Variants in FMN1 observed in about 807,000 individuals in gnomAD.
FMN1 encodes formin 1.
A neutral mutation model predicts 132.4 loss-of-function variants in FMN1; 110 were observed. The ratio of observed to expected loss-of-function variants is 0.83; its 90% CI spans 0.71 to 0.97. FMN1 has a LOEUF of 0.97. Ranked by LOEUF, FMN1 falls within the 50% of genes least tolerant of loss-of-function variation. FMN1 has a pLI of 0.00. For synonymous variants in FMN1, 722 were observed against 651.7 expected (o/e 1.11, Z -1.64); for missense variants, 1,792 against 1,705.3 (o/e 1.05, Z -0.90).
intron 7 of FMN1, among the ~76,000 whole-genome samples, chr15:32,984,565 G>GC (rs1555373364): frequency 3.9e-5 from 6 of 152,096 alleles, no homozygotes; most frequent in African/African-American, 1.2e-4. Flanking sequence ...AACACTCTGA[G>GC]TAACAATGAA....
intron 16 of FMN1, among the ~76,000 whole-genome samples, chr15:32,883,231 G>A (rs2059812491): frequency 6.6e-6 from 1 of 152,140 alleles, no homozygotes. Context: ...CAGGTCCAGT[G>A]GTGGCTCATG....
intron 9 of FMN1, among the ~76,000 whole-genome samples, chr15:32,938,090 G>A (rs962512802): frequency 6.6e-6 from 1 of 151,916 alleles, no homozygotes; most frequent in African/African-American, 2.4e-5. Context: ...TATACATTTT[G>A]TTGCACTTTT....
intron 4 of FMN1, among the ~76,000 whole-genome samples, chr15:33,133,767 A>C: frequency 6.6e-6 from 1 of 152,308 alleles, no homozygotes; most frequent in Non-Finnish European, 1.5e-5. Context: ...AATATATCAA[A>C]CTATTTGCTC....
At chr15:32,838,402 C>G (rs750517292) in intron 17 of FMN1, among the ~76,000 whole-genome samples, 1 of 152,154 alleles carries the variant, frequency 6.6e-6, no homozygotes, top group Non-Finnish European at 1.5e-5. Context: ...CTGTGCATCT[C>G]AAGAGGAGAT....
intron 16 of FMN1, among the ~76,000 whole-genome samples, chr15:32,886,147 C>G (rs972633462): frequency 6.6e-6 from 1 of 152,178 alleles, no homozygotes; most frequent in Non-Finnish European, 1.5e-5. Flanking sequence ...ATTAGAGAAC[C>G]TACGGTGTGT....
rs2056260636 is a variant in FMN1 at position 32,771,962 on chromosome 15, A to G, written c.*2348T>C. Reference sequence around the variant, plus strand: ...AGATACATGATGCAGGGTTCAGAATAGGTGAGAATAATGAAGATTCTGCCA... The same window carrying G: ...AGATACATGATGCAGGGTTCAGAATGGGTGAGAATAATGAAGATTCTGCCA... On this transcript the variant is annotated 3_prime_UTR_variant, in exon 21 of 21. Coordinates refer to ENST00000616417, the MANE Select transcript of FMN1 (RefSeq NM_001277313.2). 1 of 152,192 alleles carries G rather than the reference A, an allele frequency of 6.6e-6. No homozygotes were observed. The highest frequency in any genetic ancestry group is 2.4e-5 in the African/African-American group (1 of 41,440). The allele number at this position is 152,192 out of a possible 1,614,324, so 9.4% of individuals were successfully genotyped here. A position where few individuals can be genotyped will look rare whatever the true frequency, so the allele number is the denominator to read the frequency against.
At chr15:33,039,091 T>C (rs144915458) in intron 6 of FMN1, among the ~76,000 whole-genome samples, 28 of 152,312 alleles carry the variant, frequency 1.8e-4, no homozygotes, top group African/African-American at 6.3e-4. Context: ...ACACACACGA[T>C]GTTAAACAAT....
chr15:32,799,002 C>T, intron 18 of FMN1, 49 bp from the exon 19 acceptor site: 3 of 1,566,986 alleles, frequency 1.9e-6, no homozygotes, highest in Non-Finnish European at 2.6e-6. Flanking sequence ...TGAGAAATTG[C>T]CAACACTAAA....
intron 4 of FMN1, among the ~76,000 whole-genome samples, chr15:33,124,338 G>A (rs914594693): frequency 1.3e-5 from 2 of 152,218 alleles, no homozygotes; most frequent in Admixed American, 1.3e-4. Flanking sequence ...TTGCTGTGCT[G>A]TTATAGCCTC....
chr15:32,910,475 T>C lies in FMN1; in HGVS notation c.3287A>G (p.Asn1096Ser). 6.3e-7 allele frequency: 1 copy of C among 1,575,152 alleles called. No homozygotes were observed. The highest frequency in any genetic ancestry group is 8.6e-7 in the Non-Finnish European group (1 of 1,159,468). The change falls in exon 11 of 21, where the codon AAC becomes AGC. Residue 1096 changes from asparagine (N) to serine (S), a missense_variant and splice_region_variant. Coordinates refer to ENST00000616417, the MANE Select transcript of FMN1 (RefSeq NM_001277313.2). ...GCTCTGTAAGTCTTTGACACTCACGTTTTCATATAAGGCTGCCAGGGTCTC... is the reference window on the plus strand; with the variant it reads ...GCTCTGTAAGTCTTTGACACTCACGCTTTCATATAAGGCTGCCAGGGTCTC... ...DLETLAALYE[N>S]RAQEDELVKI...
intron 3 of FMN1, among the ~76,000 whole-genome samples, chr15:33,176,808 A>G (rs988903051): frequency 2.0e-5 from 3 of 152,234 alleles, no homozygotes; most frequent in Admixed American, 2.0e-4. Flanking sequence ...TGTGAAGTCA[A>G]TTAAAGGAAT....
At chr15:32,977,885 C>CA (rs2032340255) in intron 7 of FMN1, among the ~76,000 whole-genome samples, 1 of 148,516 alleles carries the variant, frequency 6.7e-6, no homozygotes, top group Admixed American at 6.8e-5. Flanking sequence ...TTTTCTGAGA[C>CA]AGAGTCTCTG....
intron 6 of FMN1, among the ~76,000 whole-genome samples, chr15:33,058,757 CA>C (rs1055430854): frequency 2.6e-5 from 4 of 152,128 alleles, no homozygotes; most frequent in African/African-American, 4.8e-5. Context: ...TAATAACCTG[CA>C]TAATTTTTTA....
intron 4 of FMN1, among the ~76,000 whole-genome samples, chr15:33,110,174 T>G (rs2039644614): frequency 6.6e-6 from 1 of 152,046 alleles, no homozygotes; most frequent in South Asian, 2.1e-4. Context: ...ATGCAAACAT[T>G]CTATGCAAAA....
intron 4 of FMN1, among the ~76,000 whole-genome samples, chr15:33,148,607 A>G (rs1964322245): frequency 6.6e-6 from 1 of 152,116 alleles, no homozygotes; most frequent in Non-Finnish European, 1.5e-5. Context: ...GGGTGTCTCT[A>G]CCAGAAACCA....
intron 5 of FMN1, among the ~76,000 whole-genome samples, chr15:33,087,277 T>C (rs2038733070): frequency 6.6e-6 from 1 of 152,226 alleles, no homozygotes; most frequent in Admixed American, 6.5e-5. Flanking sequence ...CTGGATGTGG[T>C]GGCTCACGCC....
At chr15:32,918,086 G>A (rs1246058217) in intron 10 of FMN1, among the ~76,000 whole-genome samples, 2 of 151,498 alleles carry the variant, frequency 1.3e-5, no homozygotes, top group East Asian at 3.9e-4. Context: ...TGCAGCTAAG[G>A]CACAGCAGAC....
chr15:33,111,095 C>T (rs1271297333), intron 4 of FMN1, among the ~76,000 whole-genome samples: 2 of 137,606 alleles, frequency 1.5e-5, no homozygotes, highest in African/African-American at 2.9e-5. Context: ...GGCATATTTC[C>T]ATTTCCCTCA....
At chr15:32,826,745 A>G (rs761163912) in intron 17 of FMN1, among the ~76,000 whole-genome samples, 5 of 152,230 alleles carry the variant, frequency 3.3e-5, no homozygotes, top group Admixed American at 6.5e-5. Context: ...TTAGAACACT[A>G]CATGATCTCA....
Sources: gnomAD v4.1 joint callset for allele counts (sites outside exome capture counted in the v4.1 genomes callset) on GRCh38, gnomAD v4.1.1 for gene constraint, MANE v1.5 for transcripts, NCBI Gene and HGNC (gene_info 2026-07-23, HGNC 2026-07-21) for gene names.